MINK1: variants seen among roughly 807,000 people sequenced by gnomAD.
The protein encoded by MINK1 is misshapen-like kinase 1.
Under a neutral mutation model 178.4 loss-of-function variants are expected in MINK1, and 46 were observed. The observed-to-expected ratio is 0.26, with a 90% CI of 0.20 to 0.33. The LOEUF (loss-of-function observed/expected upper bound fraction) is 0.33. MINK1 is among the 10% of genes least tolerant of loss of function. MINK1 has a pLI of 1.00. For synonymous variants in MINK1, 797 were observed against 709.7 expected (o/e 1.12, Z -1.96); for missense variants, 1,366 against 1,814.9 (o/e 0.75, Z 4.49).
intron 1 of MINK1, among the ~76,000 whole-genome samples, chr17:4,842,466 G>A (rs191173565): frequency 1.1e-4 from 16 of 152,336 alleles, no homozygotes; most frequent in African/African-American, 3.4e-4. Context: ...TCCAGGTAGA[G>A]AGAGGAATGT....
At chr17:4,874,383 A>G (rs1304942361) in intron 1 of MINK1, among the ~76,000 whole-genome samples, 1 of 152,242 alleles carries the variant, frequency 6.6e-6, no homozygotes, top group Non-Finnish European at 1.5e-5. Context: ...GCATCGTTAA[A>G]TGTCAGGCTG....
At chr17:4,890,862 A>G in intron 14 of MINK1, 89 bp from the exon 15 acceptor site, 2 of 1,530,210 alleles carry the variant, frequency 1.3e-6, no homozygotes, top group South Asian at 2.4e-5. Context: ...CACAGAGCAT[A>G]GGGCGGGAGT....
At chr17:4,890,212 C>A in intron 13 of MINK1, 3 of 1,229,212 alleles carry the variant, frequency 2.4e-6, no homozygotes, top group Non-Finnish European at 3.1e-6. Flanking sequence ...CCCCACACCC[C>A]GTCCCCCAGG....
intron 1 of MINK1, among the ~76,000 whole-genome samples, chr17:4,872,130 C>T (rs1209562969): frequency 6.6e-6 from 1 of 151,044 alleles, no homozygotes; most frequent in Non-Finnish European, 1.5e-5. Flanking sequence ...AGGAGTTTGA[C>T]ACTGGCCTGG....
chr17:4,880,151 G>A (rs891133380), intron 2 of MINK1, among the ~76,000 whole-genome samples: 8 of 152,000 alleles, frequency 5.3e-5, no homozygotes, highest in Non-Finnish European at 7.4e-5. Context: ...GAGACCCTTC[G>A]CCTTTATTGA....
chr17:4,867,062 A>G (rs1375643548), intron 1 of MINK1, among the ~76,000 whole-genome samples: 1 of 97,266 alleles, frequency 1.0e-5, no homozygotes, highest in Non-Finnish European at 2.2e-5. Context: ...TGACAGAGTG[A>G]GACTCGTCTC....
chr17:4,876,770 A>T (rs7212986), intron 1 of MINK1, among the ~76,000 whole-genome samples: 4,578 of 152,134 alleles, frequency 0.03, 238 homozygotes, highest in African/African-American at 0.1. Flanking sequence ...GGGCCCACCC[A>T]GTGAAACACC....
intron 1 of MINK1, among the ~76,000 whole-genome samples, chr17:4,864,858 G>A (rs1049126949): frequency 2.6e-5 from 4 of 152,134 alleles, no homozygotes; most frequent in Non-Finnish European, 5.9e-5. Flanking sequence ...TTTAGAGGAG[G>A]GTACTGGAAA....
intron 1 of MINK1, among the ~76,000 whole-genome samples, chr17:4,841,236 T>C (rs1294169529): frequency 1.3e-5 from 2 of 152,190 alleles, no homozygotes; most frequent in Non-Finnish European, 2.9e-5. Flanking sequence ...GCCAGTGGTT[T>C]CTTCCATTGC....
At chr17:4,861,620 C>T in intron 1 of MINK1, 1 of 248,670 alleles carries the variant, frequency 4.0e-6, no homozygotes, top group Non-Finnish European at 8.6e-6. Context: ...CCTGCCCCAG[C>T]CTCCCTAGTA....
intron 1 of MINK1, among the ~76,000 whole-genome samples, chr17:4,840,507 G>GA (rs113612617): frequency 0.089 from 13,489 of 152,188 alleles, 599 homozygotes; most frequent in Non-Finnish European, 0.096. Context: ...TGGGTCTGTA[G>GA]TTTAGATGTG....
chr17:4,854,787 G>A lies in MINK1; in HGVS notation c.57+21147G>A, dbSNP rs373990044. 6.9e-5 allele frequency: 34 copies of A among 492,006 alleles called. 1 individual carries two copies. Among genetic ancestry groups the A allele is most frequent in the African/African-American group, 5.8e-4 (30 of 51,400 alleles). The allele number at this position is 492,006 out of a possible 1,614,324, so 30.5% of individuals were successfully genotyped here. On this transcript the variant is annotated intron_variant, in intron 1 of 31. Transcript: ENST00000355280. Reference sequence around the variant, plus strand: ...GATAGACAGAGGACAAGTACTTCACGTTGTGGATTCAGAATAAAAAGATCC... The same window carrying A: ...GATAGACAGAGGACAAGTACTTCACATTGTGGATTCAGAATAAAAAGATCC...
intron 1 of MINK1, among the ~76,000 whole-genome samples, chr17:4,872,787 A>G (rs937814648): frequency 4.0e-5 from 6 of 151,780 alleles, no homozygotes; most frequent in Non-Finnish European, 8.8e-5. Flanking sequence ...AGAAAAATCA[A>G]CTCCTCAAAC....
At chr17:4,875,254 C>T (rs1364273452) in intron 1 of MINK1, 2 of 505,468 alleles carry the variant, frequency 4.0e-6, no homozygotes, top group Non-Finnish European at 7.9e-6. Flanking sequence ...TCTTGTTAGC[C>T]CCCTGCACTG....
In MINK1 at chr17:4,891,570, C is replaced by A. The variant is rs1968819223; in HGVS notation, c.1855C>A (p.Pro619Thr). The A allele has an allele frequency of 1.2e-6, 2 of 1,606,714 alleles. No homozygotes were observed. Among genetic ancestry groups the A allele is most frequent in the East Asian group, 4.5e-5 (2 of 44,444 alleles). The change falls in exon 16 of 32, where the codon CCC becomes ACC. Residue 619 changes from proline to threonine, a missense_variant. Physicochemically the swap from Pro to Thr is conservative, Grantham distance 38. This residue lies in a region of MINK1 where 709 missense variants were observed against 692.3 expected (regional missense o/e 1.02). Transcript: ENST00000355280. ...NLAAFPASHD[P>T]DPAIPAPTAT... ...GGCTGCCTTCCCAGCCTCCCATGAC[C>A]CCGACCCTGCCATCCCCGCACCCAC...
At chr17:4,857,172 C>A in intron 1 of MINK1, 1 of 301,286 alleles carries the variant, frequency 3.3e-6, no homozygotes. Context: ...CGCCACTAGG[C>A]CATAGATGGT....
In MINK1 at chr17:4,886,738, C is replaced by G. The variant is rs548667926; in HGVS notation, c.949+112C>G. The G allele has an allele frequency of 1.4e-3, 1,726 of 1,201,616 alleles. 4 individuals are homozygous for G. Among genetic ancestry groups the G allele is most frequent in the Non-Finnish European group, 1.4e-3 (1,226 of 885,860 alleles). The allele number at this position is 1,201,616 out of a possible 1,614,324, so 74.4% of individuals were successfully genotyped here. ...TTCCTGCTCCCCTCCTTGGCCCCAGCTCTCCCTGTCCAAGGAGATCGTTCT... is the reference window on the plus strand; with the variant it reads ...TTCCTGCTCCCCTCCTTGGCCCCAGGTCTCCCTGTCCAAGGAGATCGTTCT... On this transcript the variant is annotated intron_variant, in intron 10 of 31. Transcript: ENST00000355280. The surrounding 1 kb of genome is among the most constrained non-coding windows in gnomAD (Gnocchi z 6.1).
intron 1 of MINK1, among the ~76,000 whole-genome samples, chr17:4,874,241 C>T (rs1018346207): frequency 6.6e-5 from 10 of 152,178 alleles, no homozygotes; most frequent in Admixed American, 1.3e-4. Flanking sequence ...AGTTTGTGCT[C>T]AGGAAATATG....
chr17:4,875,139 G>T (rs779853282), intron 1 of MINK1: 6 of 520,076 alleles, frequency 1.2e-5, no homozygotes, highest in Non-Finnish European at 2.3e-5. Flanking sequence ...TTCTGTTGGG[G>T]AGCTCTGTAG....
Sources: gnomAD v4.1 joint callset for allele counts (sites outside exome capture counted in the v4.1 genomes callset) on GRCh38, gnomAD v4.1.1 for gene constraint, gnomAD v4.1.1 regional missense constraint, Gnocchi (gnomAD v3.1) non-coding constraint, MANE v1.5 for transcripts, NCBI Gene and HGNC (gene_info 2026-07-23, HGNC 2026-07-21) for gene names.